The following PTPRD variants were observed in gnomAD, a reference collection of about 807,000 sequenced individuals.
PTPRD encodes protein tyrosine phosphatase receptor type D.
Under a neutral mutation model 214.5 loss-of-function variants are expected in PTPRD, and 34 were observed. The observed-to-expected ratio is 0.16, with a 90% CI of 0.12 to 0.21. The LOEUF (loss-of-function observed/expected upper bound fraction) is 0.21. PTPRD is among the 10% of genes least tolerant of loss of function. The probability of loss-of-function intolerance (pLI) is 1.00; values close to 1 mark genes in which losing one functional copy is unlikely to be tolerated. For missense variants in PTPRD, 2,545 were observed against 2,398.7 expected (o/e 1.06, Z -1.27); for synonymous variants, 1,128 against 845.7 (o/e 1.33, Z -5.79).
chr9:9,368,314 C>T (rs1480224118), intron 9 of PTPRD, among the ~76,000 whole-genome samples: 3 of 100,886 alleles, frequency 3.0e-5, no homozygotes, highest in African/African-American at 1.2e-4. Context: ...TATATGAGCT[C>T]ACATGTGAAT....
chr9:8,758,760 C>T (rs1036392339), intron 11 of PTPRD, among the ~76,000 whole-genome samples: 5 of 148,514 alleles, frequency 3.4e-5, no homozygotes, highest in African/African-American at 1.0e-4. Flanking sequence ...TAGAAAATAA[C>T]CTTTTTTTTT....
intron 2 of PTPRD, among the ~76,000 whole-genome samples, chr9:10,509,139 G>A (rs1350274158): frequency 1.3e-5 from 2 of 151,866 alleles, no homozygotes; most frequent in Non-Finnish European, 2.9e-5. Context: ...TATTATATAT[G>A]CAGGTAAACT....
rs144854556 is a variant in PTPRD, at chr9:9,376,810, T to C, written c.-203+20639A>G. Among the ~76,000 whole-genome samples the C allele has an allele frequency of 1.5e-3, 229 of 152,180 alleles. 1 individual carries two copies. Among genetic ancestry groups the C allele is most frequent in the African/African-American group, 5.1e-3 (211 of 41,538 alleles). The stretch of plus-strand genomic sequence containing the variant: ...ATGAAAAAAGAAAGGCGGGATCCAA[T>C]GAAACACCAAGTTATACATAAAACA... On this transcript the variant is annotated intron_variant, in intron 9 of 45. Coordinates refer to ENST00000381196, the MANE Select transcript of PTPRD (RefSeq NM_002839.4).
At chr9:10,281,030 T>C (rs76091963) in intron 3 of PTPRD, among the ~76,000 whole-genome samples, 2,436 of 152,300 alleles carry the variant, frequency 0.016, 63 homozygotes, top group African/African-American at 0.055. Context: ...AGCACATTCA[T>C]CTAGCAGTTT....
chr9:8,509,204 G>C (rs1040778142), intron 21 of PTPRD, among the ~76,000 whole-genome samples: 3 of 151,982 alleles, frequency 2.0e-5, no homozygotes, highest in Non-Finnish European at 2.9e-5. Flanking sequence ...GGACAGAGGG[G>C]AACAAAACAC....
At chr9:8,401,470 C>T (rs566356582) in intron 36 of PTPRD, among the ~76,000 whole-genome samples, 1 of 152,288 alleles carries the variant, frequency 6.6e-6, no homozygotes, top group South Asian at 2.1e-4. Context: ...AAATTCAATT[C>T]TGTTTCCATA....
chr9:10,022,275 T>C (rs1371129765), intron 4 of PTPRD, among the ~76,000 whole-genome samples: 1 of 97,640 alleles, frequency 1.0e-5, no homozygotes, highest in Non-Finnish European at 2.1e-5. Flanking sequence ...ACCTGGAAAT[T>C]TGAACTTTCT....
chr9:8,998,739 A>G (rs1236004031), intron 11 of PTPRD, among the ~76,000 whole-genome samples: 3 of 152,050 alleles, frequency 2.0e-5, no homozygotes, highest in Non-Finnish European at 2.9e-5. Context: ...AGTAAATCTA[A>G]AACCTTCTGG....
chr9:9,902,360 C>T (rs545918756), intron 5 of PTPRD, among the ~76,000 whole-genome samples: 348 of 152,148 alleles, frequency 2.3e-3, no homozygotes, highest in African/African-American at 7.5e-3. Context: ...TTTCCCATAC[C>T]ATTAATGTAT....
At chr9:9,561,742 G>A (rs1441116952) in intron 8 of PTPRD, among the ~76,000 whole-genome samples, 1 of 152,188 alleles carries the variant, frequency 6.6e-6, no homozygotes, top group African/African-American at 2.4e-5. Flanking sequence ...CTTCAGAGGT[G>A]ATGAGATCTT....
intron 8 of PTPRD, among the ~76,000 whole-genome samples, chr9:9,546,980 T>A (rs992303704): frequency 2.0e-4 from 29 of 147,640 alleles, no homozygotes; most frequent in East Asian, 1.4e-3. Flanking sequence ...AAAAAAAAAA[T>A]AAAAATAAAA....
chr9:8,411,317 A>G (rs911015439), intron 35 of PTPRD, among the ~76,000 whole-genome samples: 3 of 151,290 alleles, frequency 2.0e-5, no homozygotes, highest in South Asian at 4.2e-4. Context: ...TTTTATTTTT[A>G]TTTTTTTTGT....
intron 5 of PTPRD, among the ~76,000 whole-genome samples, chr9:9,882,322 T>A (rs1167685097): frequency 1.3e-5 from 2 of 152,074 alleles, no homozygotes; most frequent in East Asian, 3.9e-4. Flanking sequence ...GCAAAATCTT[T>A]GAAAGGTTTT....
At position 10,060,852 on chromosome 9, in the gene PTPRD, T is replaced by C. The variant is rs1372782406; in HGVS notation, c.-544-27062A>G. 1.4e-3 allele frequency among the ~76,000 whole-genome samples: 159 copies of C among 113,966 alleles called. 9 individuals are homozygous for C. The highest frequency in any genetic ancestry group is 7.5e-3 in the African/African-American group (113 of 15,018). 74.8% of individuals were successfully genotyped at this position (113,966 alleles called of 152,430 possible). A position where few individuals can be genotyped will look rare whatever the true frequency, so the allele number is the denominator to read the frequency against. ...TCTTCCTTCCTTCCTTCCTTTCCTT[T>C]CTTTCTTCCTTCCTTCTTTCCTTCC... On this transcript the variant is annotated intron_variant, in intron 3 of 45. Coordinates refer to ENST00000381196, the MANE Select transcript of PTPRD (RefSeq NM_002839.4).
intron 32 of PTPRD, among the ~76,000 whole-genome samples, chr9:8,463,958 G>T (rs10977130): frequency 0.13 from 19,291 of 151,896 alleles, 1,486 homozygotes; most frequent in African/African-American, 0.21. Flanking sequence ...AAATATCATA[G>T]ATATTTGAAA....
rs527345277 is a variant in PTPRD at position 10,369,946 on chromosome 9, C to T, written c.-599-28929G>A. Among the ~76,000 whole-genome samples the T allele has an allele frequency of 3.9e-4, 59 of 152,064 alleles. 1 individual carries two copies. In the South Asian group the frequency reaches 0.01, roughly 27 times the overall value. ...TAGTGAGCTTGTGCTTAATTATATGCGAGGCATTGTCCTAATACTATACAT... is the reference window on the plus strand; with the variant it reads ...TAGTGAGCTTGTGCTTAATTATATGTGAGGCATTGTCCTAATACTATACAT... On this transcript the variant is annotated intron_variant, in intron 2 of 45. Coordinates refer to ENST00000381196, the MANE Select transcript of PTPRD (RefSeq NM_002839.4).
At chr9:9,122,464 G>C (rs2099818506) in intron 10 of PTPRD, among the ~76,000 whole-genome samples, 1 of 152,152 alleles carries the variant, frequency 6.6e-6, no homozygotes, top group Non-Finnish European at 1.5e-5. Context: ...GCCTAAATCT[G>C]AAAACCATCA....
chr9:10,468,967 A>T (rs1467711531), intron 2 of PTPRD, among the ~76,000 whole-genome samples: 3 of 152,190 alleles, frequency 2.0e-5, no homozygotes, highest in Non-Finnish European at 4.4e-5. Flanking sequence ...AAGTAAGTGA[A>T]TTAGAAAAAA....
chr9:8,409,192 C>A (rs1396090825), intron 35 of PTPRD, among the ~76,000 whole-genome samples: 1 of 152,100 alleles, frequency 6.6e-6, no homozygotes, highest in African/African-American at 2.4e-5. Context: ...TTCACAAAGA[C>A]CCTAGAAGTA....
Sources: gnomAD v4.1 joint callset for allele counts (sites outside exome capture counted in the v4.1 genomes callset) on GRCh38, gnomAD v4.1.1 for gene constraint, MANE v1.5 for transcripts, NCBI Gene and HGNC (gene_info 2026-07-23, HGNC 2026-07-21) for gene names.